The following KIAA0319L variants were observed in gnomAD, a reference collection of about 807,000 sequenced individuals.
KIAA0319L encodes the protein KIAA0319 like.
In KIAA0319L, 55 loss-of-function variants were observed where a neutral mutation model predicts 120.1. The ratio of observed to expected loss-of-function variants is 0.46; its 90% CI spans 0.37 to 0.57. The LOEUF is 0.57. Among genes scored for constraint, KIAA0319L ranks in the 20% least tolerant of loss-of-function variants. KIAA0319L has a pLI of 0.00. For missense variants in KIAA0319L, 1,049 were observed against 1,255.3 expected, an observed-to-expected ratio of 0.84 and a Z score of 2.48; for synonymous variants, 398 against 471.9, an observed-to-expected ratio of 0.84 and a Z score of 2.03.
At chr1:35,436,608 T>C (rs1640809673) in intron 20 of KIAA0319L, among the ~76,000 whole-genome samples, 2 of 152,066 alleles carry the variant, frequency 1.3e-5, no homozygotes, top group African/African-American at 4.8e-5. Flanking sequence ...GAGCCTAGGT[T>C]CAACCTAATA....
intron 2 of KIAA0319L, among the ~76,000 whole-genome samples, chr1:35,507,416 G>GAAAACA (rs200725762): frequency 0.016 from 2,453 of 151,936 alleles, 65 homozygotes; most frequent in African/African-American, 0.056. Flanking sequence ...TCATAAACAG[G>GAAAACA]AAAACAAAAA....
chr1:35,530,862 A>G lies in KIAA0319L; in HGVS notation c.142+23488T>C, dbSNP rs558224842. 9.9e-5 allele frequency among the ~76,000 whole-genome samples: 15 copies of G among 152,272 alleles called. 1 individual carries two copies. The South Asian group carries it at 2.7e-3, about 27-fold the overall frequency. ...CAACGAACACCATCCAGCAACGAAC[A>G]CCATCAGTGGCATCTGTGATTTTCT... On this transcript the variant is annotated intron_variant, in intron 2 of 20. Transcript: ENST00000325722.
intron 5 of KIAA0319L, among the ~76,000 whole-genome samples, chr1:35,473,377 T>C (rs1312026308): frequency 2.0e-5 from 3 of 152,058 alleles, no homozygotes; most frequent in African/African-American, 7.2e-5. Context: ...GGATTACAAG[T>C]GTGAGCCACC....
rs200725762 is a variant in KIAA0319L at position 35,507,416 on chromosome 1, GAAAACA to G, written c.143-287_143-282del. Among the ~76,000 whole-genome samples, 48 of 151,948 alleles carry G rather than the reference GAAAACA, an allele frequency of 3.2e-4. No homozygotes were observed. The South Asian group carries it at 4.8e-3, about 15-fold the overall frequency. ...ACACAGAATGTCACTTCATAAACAG[GAAAACA>G]AAAACAAAAACAAAAACAAAAAAAG... On this transcript the variant is annotated intron_variant, in intron 2 of 20. Transcript: ENST00000325722.
chr1:35,496,174 C>G (rs532830770), intron 3 of KIAA0319L, among the ~76,000 whole-genome samples: 9 of 152,304 alleles, frequency 5.9e-5, no homozygotes, highest in African/African-American at 2.2e-4. Flanking sequence ...AATCCCAACA[C>G]TTTGGGAGGT....
intron 16 of KIAA0319L, among the ~76,000 whole-genome samples, chr1:35,447,470 T>C (rs900404655): frequency 2.6e-5 from 4 of 152,172 alleles, no homozygotes; most frequent in Admixed American, 1.3e-4. Context: ...AACTGTGTAC[T>C]TTCATACCAC....
At chr1:35,548,448 A>G (rs898019153) in intron 2 of KIAA0319L, among the ~76,000 whole-genome samples, 5 of 152,332 alleles carry the variant, frequency 3.3e-5, no homozygotes, top group Admixed American at 2.0e-4. Flanking sequence ...TACTAGCATT[A>G]AAGTATTATA....
Position 35,453,966 on chromosome 1 carries a change from T to G in KIAA0319L, c.1781-277A>C, listed in dbSNP as rs996214318. On this transcript the variant is annotated intron_variant, in intron 11 of 20. Coordinates refer to ENST00000325722, the MANE Select transcript of KIAA0319L (RefSeq NM_024874.5). The surrounding 1 kb of genome is among the most constrained non-coding windows in gnomAD (Gnocchi z 4.1). ...CTAAGGGAGTTCAAATGAAAGGATT[T>G]GAGTGACAAGACAGGGCTGTCCTGA... 6.6e-6 allele frequency among the ~76,000 whole-genome samples: 1 copy of G among 152,192 alleles called. No homozygotes were observed. Among genetic ancestry groups the G allele is most frequent in the Non-Finnish European group, 1.5e-5 (1 of 68,026 alleles).
intron 2 of KIAA0319L, among the ~76,000 whole-genome samples, chr1:35,536,631 C>T (rs990600372): frequency 6.6e-6 from 1 of 152,176 alleles, no homozygotes; most frequent in Admixed American, 6.5e-5. Context: ...TTAACTTCTA[C>T]CTAAAACAAC....
chr1:35,535,983 T>C (rs942248101), intron 2 of KIAA0319L, among the ~76,000 whole-genome samples: 2 of 152,212 alleles, frequency 1.3e-5, no homozygotes, highest in African/African-American at 4.8e-5. Flanking sequence ...GGATTTTTTC[T>C]ATACTAACAA....
intron 3 of KIAA0319L, among the ~76,000 whole-genome samples, chr1:35,489,886 C>T (rs1464881287): frequency 1.3e-5 from 2 of 151,954 alleles, no homozygotes; most frequent in African/African-American, 4.8e-5. Context: ...AGGTTGGTCT[C>T]GAACTCCTGA....
intron 2 of KIAA0319L, among the ~76,000 whole-genome samples, chr1:35,534,236 C>T (rs543838899): frequency 3.9e-5 from 6 of 152,046 alleles, no homozygotes; most frequent in Admixed American, 1.3e-4. Flanking sequence ...GCTGAAACTA[C>T]ACTAACTGCT....
At chr1:35,459,340 C>G (rs1642720714) in intron 9 of KIAA0319L, among the ~76,000 whole-genome samples, 7 of 152,126 alleles carry the variant, frequency 4.6e-5, no homozygotes, top group Admixed American at 4.6e-4. Flanking sequence ...GGCACGGTGG[C>G]TCACACCTGT....
chr1:35,526,409 ATAC>A (rs1646145214), intron 2 of KIAA0319L, among the ~76,000 whole-genome samples: 1 of 143,870 alleles, frequency 7.0e-6, no homozygotes, highest in African/African-American at 2.6e-5. Context: ...ATATATATAT[ATAC>A]ACACATACAT....
chr1:35,528,689 T>C (rs1295704256), intron 2 of KIAA0319L, among the ~76,000 whole-genome samples: 2 of 152,220 alleles, frequency 1.3e-5, no homozygotes, highest in Admixed American at 1.3e-4. Flanking sequence ...AGATAATCTG[T>C]CTATTGTTGA....
chr1:35,521,713 C>A (rs1472375159), intron 2 of KIAA0319L, among the ~76,000 whole-genome samples: 6 of 151,756 alleles, frequency 4.0e-5, no homozygotes, highest in Admixed American at 3.9e-4. Flanking sequence ...TGGCTCACGC[C>A]TGTAATCCCA....
intron 16 of KIAA0319L, among the ~76,000 whole-genome samples, chr1:35,445,050 G>A (rs1334495154): frequency 1.3e-5 from 2 of 152,062 alleles, no homozygotes; most frequent in African/African-American, 4.8e-5. Context: ...CTAAATCAGT[G>A]AGTCACACTG....
At chr1:35,515,070 T>C (rs1645623871) in intron 2 of KIAA0319L, among the ~76,000 whole-genome samples, 1 of 152,166 alleles carries the variant, frequency 6.6e-6, no homozygotes, top group African/African-American at 2.4e-5. Context: ...CCCAACACTT[T>C]GGGAGGCCGA....
chr1:35,494,113 C>T (rs967823927), intron 3 of KIAA0319L, among the ~76,000 whole-genome samples: 2 of 152,004 alleles, frequency 1.3e-5, no homozygotes, highest in Admixed American at 6.6e-5. Flanking sequence ...CTAAAATGGG[C>T]AATTTTGATC....
Sources: gnomAD v4.1 joint callset for allele counts (sites outside exome capture counted in the v4.1 genomes callset) on GRCh38, gnomAD v4.1.1 for gene constraint, Gnocchi (gnomAD v3.1) non-coding constraint, MANE v1.5 for transcripts, NCBI Gene and HGNC (gene_info 2026-07-23, HGNC 2026-07-21) for gene names.